TBX21: variants seen among roughly 807,000 people sequenced by gnomAD.
The protein encoded by TBX21 is T-box transcription factor 21, also known as T-box transcription factor TBX21.
Under a neutral mutation model 52.2 loss-of-function variants are expected in TBX21, and 11 were observed. The ratio of observed to expected loss-of-function variants is 0.21; its 90% CI spans 0.13 to 0.35. The LOEUF (loss-of-function observed/expected upper bound fraction) is 0.35, where lower values mean the gene tolerates loss of function less well. TBX21 is among the 10% of genes least tolerant of loss of function. The pLI, the probability that TBX21 is intolerant of heterozygous loss-of-function variation, is 1.00. For synonymous variants in TBX21, 300 were observed against 316.1 expected (o/e 0.95, Z 0.54); for missense variants, 625 against 755.1 (o/e 0.83, Z 2.02).
Position 47,733,578 on chromosome 17 carries a change from G to A in TBX21, c.124G>A (p.Ala42Thr). ...CCGCTACTTCTACCCGGAGCCGGGC[G>A]CGCAGGACGCGGACGAGCGTCGCGG... ...QHRYFYPEPGAQDADERRGGG... is the reference protein window; with the variant it reads ...QHRYFYPEPGTQDADERRGGG... The change falls in exon 1 of 6, where the codon GCG becomes ACG. Residue 42 changes from alanine to threonine, a missense_variant. Physicochemically the swap from Ala to Thr is moderately conservative, Grantham distance 58 (BLOSUM62 0). Around this residue, in one of 4 missense-constraint regions of TBX21, gnomAD observed 221 missense variants for 204.9 expected, o/e 1.08. Transcript: ENST00000177694. This position sits in a 1 kb window ranked among gnomAD's most constrained non-coding sequence, Gnocchi z 6.6. 2.0e-6 allele frequency: 3 copies of A among 1,467,374 alleles called. No individual in the cohort carries two copies. The highest frequency in any genetic ancestry group is 2.7e-6 in the Non-Finnish European group (3 of 1,117,362). 90.9% of individuals were successfully genotyped at this position (1,467,374 alleles called of 1,614,324 possible).
In TBX21 at chr17:47,733,534, C is replaced by A; in HGVS notation, c.80C>A (p.Pro27His). The change falls in exon 1 of 6, where the codon CCT becomes CAT. Residue 27 changes from proline to histidine, a missense_variant. By Grantham distance (77) the Pro-to-His change is moderately conservative (BLOSUM62 -2). Around this residue, in one of 4 missense-constraint regions of TBX21, gnomAD observed 221 missense variants for 204.9 expected, o/e 1.08. Transcript: ENST00000177694. This position sits in a 1 kb window ranked among gnomAD's most constrained non-coding sequence, Gnocchi z 6.6. The stretch of plus-strand genomic sequence containing the variant: ...CCGGGGAGCGACGAGGGCCGGGCGC[C>A]TGGCGCCGACCCGCAGCACCGCTAC... ...PMPGSDEGRA[P>H]GADPQHRYFY... 1 of 1,492,030 alleles carries A rather than the reference C, an allele frequency of 6.7e-7. No homozygotes were observed. The highest frequency in any genetic ancestry group is 1.3e-5 in the South Asian group (1 of 79,406). The allele number at this position is 1,492,030 out of a possible 1,614,324, so 92.4% of individuals were successfully genotyped here.
At chr17:47,737,663 T>TC (rs1404340590) in intron 1 of TBX21, among the ~76,000 whole-genome samples, 1 of 151,968 alleles carries the variant, frequency 6.6e-6, no homozygotes, top group Non-Finnish European at 1.5e-5. Flanking sequence ...TCTCACTCTG[T>TC]CCCCCAGGCT....
rs546166989 is a variant in TBX21, at chr17:47,742,453, C to T, written c.492-157C>T. Among the ~76,000 whole-genome samples the T allele has an allele frequency of 1.1e-4, 17 of 152,268 alleles. No homozygotes were observed. The highest frequency in any genetic ancestry group is 4.1e-4 in the African/African-American group (17 of 41,558). Reference sequence around the variant, plus strand: ...ATTTTTAATTATGGCTGTGTTTAACCACTGGCTGGCAAACTCCCTAAACAC... The same window carrying T: ...ATTTTTAATTATGGCTGTGTTTAACTACTGGCTGGCAAACTCCCTAAACAC... On this transcript the variant is annotated intron_variant, in intron 1 of 5. Transcript: ENST00000177694. The surrounding 1 kb of genome is among the most constrained non-coding windows in gnomAD (Gnocchi z 4.4).
At chr17:47,743,002 C>A in intron 2 of TBX21, 69 bp from the exon 3 acceptor site, 1 of 1,587,536 alleles carries the variant, frequency 6.3e-7, no homozygotes, top group South Asian at 1.1e-5. Context: ...CCTCTCGGGA[C>A]AGGCAAAGCC....
intron 1 of TBX21, among the ~76,000 whole-genome samples, chr17:47,734,608 TGTATGTGTGTGTGG>T (rs1482520195): frequency 0.029 from 2,731 of 95,218 alleles, 17 homozygotes; most frequent in South Asian, 0.072. Context: ...TGTGTGTGTG[TGTATGTGTGTGTGG>T]GTGTGTGTGT....
chr17:47,744,653 G>A (rs2032307414), intron 5 of TBX21, 95 bp from the exon 6 acceptor site: 5 of 1,602,312 alleles, frequency 3.1e-6, no homozygotes, highest in Non-Finnish European at 4.3e-6. Context: ...GCAGGCCAGG[G>A]AAGGAGGGTC....
At position 47,733,724 on chromosome 17, in the gene TBX21, C is replaced by T. The variant is rs773084862; in HGVS notation, c.270C>T (p.Gly90=). The T allele has an allele frequency of 1.4e-6, 2 of 1,436,054 alleles. No homozygotes were observed. Among genetic ancestry groups the T allele is most frequent in the Non-Finnish European group, 1.8e-6 (2 of 1,098,038 alleles). The allele number at this position is 1,436,054 out of a possible 1,614,324, so 89.0% of individuals were successfully genotyped here. A position where few individuals can be genotyped will look rare whatever the true frequency, so the allele number is the denominator to read the frequency against. Residue 90 remains glycine, a synonymous_variant, in exon 1 of 6, where the codon GGC becomes GGT. Coordinates refer to ENST00000177694, the MANE Select transcript of TBX21 (RefSeq NM_013351.2). This position sits in a 1 kb window ranked among gnomAD's most constrained non-coding sequence, Gnocchi z 6.6. ...RPQAAGFPGA[G]ESFPPPADAE... ...AGGCGGCCGGCTTCCCCGGCGCGGGCGAGTCCTTCCCGCCGCCCGCGGACG... is the reference window on the plus strand; with the variant it reads ...AGGCGGCCGGCTTCCCCGGCGCGGGTGAGTCCTTCCCGCCGCCCGCGGACG...
At chr17:47,737,999 G>A (rs760070972) in intron 1 of TBX21, among the ~76,000 whole-genome samples, 6 of 145,636 alleles carry the variant, frequency 4.1e-5, no homozygotes, top group Non-Finnish European at 9.1e-5. Context: ...TTGCCCAGGC[G>A]GTCTCAAATC....
rs1555626284 is a variant in TBX21, at chr17:47,742,578, T to A, written c.492-32T>A. 1 of 1,565,808 alleles carries A rather than the reference T, an allele frequency of 6.4e-7. No individual in the cohort carries two copies. The highest frequency in any genetic ancestry group is 8.7e-7 in the Non-Finnish European group (1 of 1,151,344). The stretch of plus-strand genomic sequence containing the variant: ...GGACTGGCTGTCAAGCTGGAGCTGA[T>A]GGGTGCTGGGGGCTTTCTCTCTTCT... On this transcript the variant is annotated intron_variant, in intron 1 of 5. Transcript: ENST00000177694. This position sits in a 1 kb window ranked among gnomAD's most constrained non-coding sequence, Gnocchi z 4.4.
At position 47,745,072 on chromosome 17, in the gene TBX21, C is replaced by T. The variant is rs777645635; in HGVS notation, c.1314C>T (p.Tyr438=). The T allele has an allele frequency of 6.2e-7, 1 of 1,613,404 alleles. No homozygotes were observed. The highest frequency in any genetic ancestry group is 8.5e-7 in the Non-Finnish European group (1 of 1,180,028). Residue 438 remains tyrosine, a synonymous_variant, in exon 6 of 6, where the codon TAC becomes TAT. Coordinates refer to ENST00000177694, the MANE Select transcript of TBX21 (RefSeq NM_013351.2). ...CTGGCTGGCCTGTGGCACCCCAGTA[C>T]CCTCCCAAGATGGGCCCGGCCAGCT... ...PGAGWPVAPQ[Y]PPKMGPASWF... is the part of the protein sequence containing the mutation.
At position 47,733,716 on chromosome 17, in the gene TBX21, G is replaced by C; in HGVS notation, c.262G>C (p.Gly88Arg). 7.1e-7 allele frequency: 1 copy of C among 1,415,512 alleles called. No individual in the cohort carries two copies. The highest frequency in any genetic ancestry group is 3.2e-5 in the Admixed American group (1 of 31,216). The allele number at this position is 1,415,512 out of a possible 1,614,324, so 87.7% of individuals were successfully genotyped here. Residue 88 changes from glycine (G) to arginine (R), a missense_variant, in exon 1 of 6, where the codon GGC (glycine) becomes CGC (arginine). Physicochemically the swap from Gly to Arg is moderately radical, Grantham distance 125. Coordinates refer to ENST00000177694, the MANE Select transcript of TBX21 (RefSeq NM_013351.2). This position sits in a 1 kb window ranked among gnomAD's most constrained non-coding sequence, Gnocchi z 6.6. ...GCGACCCCAGGCGGCCGGCTTCCCC[G>C]GCGCGGGCGAGTCCTTCCCGCCGCC... ...PPRPQAAGFP[G>R]AGESFPPPAD...
intron 1 of TBX21, among the ~76,000 whole-genome samples, chr17:47,738,854 G>A (rs1168294782): frequency 6.6e-6 from 1 of 152,150 alleles, no homozygotes; most frequent in Non-Finnish European, 1.5e-5. Context: ...ACCTGCCTCG[G>A]CCTCCCAAAG....
chr17:47,742,637 T>C lies in TBX21; in HGVS notation c.519T>C (p.Thr173=), dbSNP rs1443447373. The C allele has an allele frequency of 3.1e-6, 5 of 1,603,490 alleles. No individual in the cohort carries two copies. Among genetic ancestry groups the C allele is most frequent in the Non-Finnish European group, 4.3e-6 (5 of 1,175,614 alleles). ...GGATGTTCCCATTCCTGTCATTTACTGTGGCCGGGCTGGAGCCCACCAGCC... is the reference window on the plus strand; with the variant it reads ...GGATGTTCCCATTCCTGTCATTTACCGTGGCCGGGCTGGAGCCCACCAGCC... ...GRRMFPFLSF[T]VAGLEPTSHY... The change falls in exon 2 of 6, where the codon ACT becomes ACC. Residue 173 remains threonine (T), a synonymous_variant. Transcript: ENST00000177694. The surrounding 1 kb of genome is among the most constrained non-coding windows in gnomAD (Gnocchi z 4.4).
In TBX21 at chr17:47,744,508, C is replaced by T. The variant is rs1357602673; in HGVS notation, c.954C>T (p.Asn318=). ...AEITQLKIDN[N]PFAKGFRENF... ...TTACTCAGCTGAAAATTGATAATAACCCCTTTGCCAAAGGATTCCGGGAGA... is the reference window on the plus strand; with the variant it reads ...TTACTCAGCTGAAAATTGATAATAATCCCTTTGCCAAAGGATTCCGGGAGA... The change falls in exon 5 of 6, where the codon AAC becomes AAT. Residue 318 remains asparagine (N), a synonymous_variant. Coordinates refer to ENST00000177694, the MANE Select transcript of TBX21 (RefSeq NM_013351.2). 4.3e-6 allele frequency: 7 copies of T among 1,614,042 alleles called. No individual in the cohort carries two copies. The highest frequency in any genetic ancestry group is 1.3e-5 in the African/African-American group (1 of 74,908).
chr17:47,733,938 C>G lies in TBX21; in HGVS notation c.484C>G (p.Gln162Glu). Residue 162 changes from glutamine to glutamate, a missense_variant, in exon 1 of 6, where the codon CAG becomes GAG. Transcript: ENST00000177694. This position sits in a 1 kb window ranked among gnomAD's most constrained non-coding sequence, Gnocchi z 6.6. ...QHQTEMIITK[Q>E]GRRMFPFLSF... is the part of the protein sequence containing the mutation. ...CCAGACAGAGATGATCATCACCAAG[C>G]AGGGACGGTGAGTGCGGCGCGCCGG... 6.2e-7 allele frequency: 1 copy of G among 1,613,320 alleles called. No individual in the cohort carries two copies. Among genetic ancestry groups the G allele is most frequent in the Non-Finnish European group, 8.5e-7 (1 of 1,179,682 alleles).
chr17:47,739,375 G>A (rs758241186), intron 1 of TBX21, among the ~76,000 whole-genome samples: 2 of 151,920 alleles, frequency 1.3e-5, no homozygotes, highest in African/African-American at 2.4e-5. Flanking sequence ...AACCCCGCTC[G>A]GGTGACTCGG....
At chr17:47,741,314 C>T (rs2032264782) in intron 1 of TBX21, among the ~76,000 whole-genome samples, 1 of 151,786 alleles carries the variant, frequency 6.6e-6, no homozygotes. Flanking sequence ...TACAGTGCTA[C>T]TGGTGGTGAT....
At chr17:47,740,404 T>A (rs1372125793) in intron 1 of TBX21, among the ~76,000 whole-genome samples, 1 of 152,128 alleles carries the variant, frequency 6.6e-6, no homozygotes, top group Non-Finnish European at 1.5e-5. Flanking sequence ...AGAGGAAAGA[T>A]GGACAGGAGT....
intron 1 of TBX21, among the ~76,000 whole-genome samples, chr17:47,734,601 G>GTGTA (rs2032185374): frequency 9.5e-5 from 11 of 116,352 alleles, no homozygotes; most frequent in South Asian, 2.9e-4. Flanking sequence ...GTGTGTGTGT[G>GTGTA]TGTGTGTGTA....
Sources: gnomAD v4.1 joint callset for allele counts (sites outside exome capture counted in the v4.1 genomes callset) on GRCh38, gnomAD v4.1.1 for gene constraint, gnomAD v4.1.1 regional missense constraint, Gnocchi (gnomAD v3.1) non-coding constraint, MANE v1.5 for transcripts, NCBI Gene and HGNC (gene_info 2026-07-23, HGNC 2026-07-21) for gene names.